Variants in ASAP3 observed in about 807,000 individuals in gnomAD.
ASAP3 encodes the protein arf-GAP with SH3 domain, ANK repeat and PH domain-containing protein 3.
A neutral mutation model predicts 118.2 loss-of-function variants in ASAP3; 85 were observed. The observed-to-expected ratio is 0.72, with a 90% CI of 0.60 to 0.86. The LOEUF is 0.86. Among genes scored for constraint, ASAP3 ranks in the 40% least tolerant of loss-of-function variants. The pLI is 0.00. For missense variants in ASAP3, 1,026 were observed against 1,175.0 expected (o/e 0.87, Z 1.85); for synonymous variants, 432 against 477.4 (o/e 0.90, Z 1.24).
intron 1 of ASAP3, among the ~76,000 whole-genome samples, chr1:23,462,659 G>A (rs892528286): frequency 1.3e-5 from 2 of 151,864 alleles, no homozygotes; most frequent in South Asian, 2.1e-4. Flanking sequence ...CTAGGGAGGC[G>A]GAGGCAGGAG....
At chr1:23,479,047 AC>A (rs1642223304) in intron 1 of ASAP3, among the ~76,000 whole-genome samples, 1 of 151,882 alleles carries the variant, frequency 6.6e-6, no homozygotes, top group South Asian at 2.1e-4. Context: ...TCCCTCCATG[AC>A]CTCTGCTGAT....
chr1:23,437,358 TG>T lies in ASAP3; in HGVS notation c.1152-39del. 1 of 1,609,112 alleles carries T rather than the reference TG, an allele frequency of 6.2e-7. No individual in the cohort carries two copies. The highest frequency in any genetic ancestry group is 1.1e-5 in the South Asian group (1 of 90,602). ...AACGGGGTGGGATGGGGATGTCAAG[TG>T]GGAAGAGATAGGGCCGCCGGCCCCC... On this transcript the variant is annotated intron_variant, in intron 13 of 24. Transcript: ENST00000336689. The surrounding 1 kb of genome is among the most constrained non-coding windows in gnomAD (Gnocchi z 6.1).
chr1:23,473,947 G>A (rs1003912007), intron 1 of ASAP3, among the ~76,000 whole-genome samples: 2 of 148,538 alleles, frequency 1.3e-5, no homozygotes, highest in East Asian at 4.0e-4. Context: ...AGGATGGTGT[G>A]GAGGCGAAAA....
chr1:23,450,664 TCTG>T (rs1182726036), intron 5 of ASAP3, among the ~76,000 whole-genome samples: 1 of 152,026 alleles, frequency 6.6e-6, no homozygotes, highest in African/African-American at 2.4e-5. Flanking sequence ...ACCCTAAGCC[TCTG>T]CTAAGGATGA....
At chr1:23,435,349 G>C (rs552826181) in intron 17 of ASAP3, among the ~76,000 whole-genome samples, 25 of 152,166 alleles carry the variant, frequency 1.6e-4, no homozygotes, top group Admixed American at 3.9e-4. Flanking sequence ...TTTTGATGTC[G>C]AATCAGTCAG....
chr1:23,436,830 C>A lies in ASAP3; in HGVS notation c.1476+81G>T. The A allele has an allele frequency of 6.4e-7, 1 of 1,563,348 alleles. No homozygotes were observed. The highest frequency in any genetic ancestry group is 8.7e-7 in the Non-Finnish European group (1 of 1,154,230). On this transcript the variant is annotated intron_variant, in intron 15 of 24. Transcript: ENST00000336689. This position sits in a 1 kb window ranked among gnomAD's most constrained non-coding sequence, Gnocchi z 4.2. ...GCCCACCTCGGCCAGGTCCCACCCA[C>A]AACCTGCAAGCCCCGCCCCCGGATG... is the stretch of plus-strand genomic sequence containing the variant.
chr1:23,464,772 C>G (rs1185131608), intron 1 of ASAP3, among the ~76,000 whole-genome samples: 1 of 150,382 alleles, frequency 6.6e-6, no homozygotes, highest in East Asian at 1.9e-4. Flanking sequence ...CAACCAGCAG[C>G]AGGCATCATC....
At chr1:23,449,612 C>G (rs912829916) in intron 5 of ASAP3, among the ~76,000 whole-genome samples, 3 of 152,170 alleles carry the variant, frequency 2.0e-5, no homozygotes, top group Admixed American at 1.3e-4. Flanking sequence ...AAGGAGTGTA[C>G]AGTCACCCGT....
intron 1 of ASAP3, among the ~76,000 whole-genome samples, chr1:23,477,939 G>A (rs1001798762): frequency 9.2e-5 from 14 of 152,166 alleles, no homozygotes; most frequent in Non-Finnish European, 1.8e-4. Context: ...GGTCCACAGG[G>A]CAGGGACTGC....
chr1:23,443,405 C>T (rs958020624), intron 5 of ASAP3, among the ~76,000 whole-genome samples: 2 of 152,148 alleles, frequency 1.3e-5, no homozygotes, highest in Non-Finnish European at 2.9e-5. Flanking sequence ...TGTCTGTCCA[C>T]ATGTACCCAT....
chr1:23,442,244 T>A lies in ASAP3; in HGVS notation c.613A>T (p.Met205Leu). ...EYLLKAGESQMKQGPDFLQSL... is the reference protein window; with the variant it reads ...EYLLKAGESQLKQGPDFLQSL... ...TGAAGGAAGTCAGGACCTTGCTTCATCTGGCTCTCCCCGGCTTTGAGCAGA... is the reference window on the plus strand; with the variant it reads ...TGAAGGAAGTCAGGACCTTGCTTCAACTGGCTCTCCCCGGCTTTGAGCAGA... Residue 205 changes from methionine (M) to leucine (L), a missense_variant, in exon 7 of 25, where the codon ATG becomes TTG. By Grantham distance (15) the Met-to-Leu change is conservative (BLOSUM62 2). Transcript: ENST00000336689. 1 of 1,607,176 alleles carries A rather than the reference T, an allele frequency of 6.2e-7. No individual in the cohort carries two copies. The highest frequency in any genetic ancestry group is 8.5e-7 in the Non-Finnish European group (1 of 1,177,410).
chr1:23,465,398 G>T (rs1641732516), intron 1 of ASAP3, among the ~76,000 whole-genome samples: 1 of 152,206 alleles, frequency 6.6e-6, no homozygotes, highest in African/African-American at 2.4e-5. Flanking sequence ...TTTGAGGAAG[G>T]CATTGCCATT....
At chr1:23,453,987 A>T (rs1407765265) in intron 3 of ASAP3, among the ~76,000 whole-genome samples, 1 of 152,190 alleles carries the variant, frequency 6.6e-6, no homozygotes, top group East Asian at 1.9e-4. Context: ...GAAGAGGTGA[A>T]GACAAAGAAG....
chr1:23,444,409 C>T (rs1369969431), intron 5 of ASAP3, among the ~76,000 whole-genome samples: 2 of 152,232 alleles, frequency 1.3e-5, no homozygotes, highest in Non-Finnish European at 2.9e-5. Flanking sequence ...AAAGGGCTTG[C>T]TTAATAGTTC....
intron 1 of ASAP3, among the ~76,000 whole-genome samples, chr1:23,459,722 T>C (rs1239605783): frequency 1.3e-5 from 2 of 152,212 alleles, no homozygotes; most frequent in African/African-American, 4.8e-5. Context: ...TTCCAGATGC[T>C]ACCTCTTCAG....
At chr1:23,458,073 G>A (rs941169994) in intron 1 of ASAP3, among the ~76,000 whole-genome samples, 3 of 152,168 alleles carry the variant, frequency 2.0e-5, no homozygotes, top group Non-Finnish European at 2.9e-5. Context: ...TCTCCTCCTC[G>A]GGTGTGAACT....
intron 1 of ASAP3, among the ~76,000 whole-genome samples, chr1:23,476,045 C>A (rs1274977731): frequency 6.6e-6 from 1 of 151,994 alleles, no homozygotes; most frequent in African/African-American, 2.4e-5. Flanking sequence ...TATATGGCAC[C>A]CTTCCATCAG....
chr1:23,431,872 A>C lies in ASAP3; in HGVS notation c.2370T>G (p.Pro790=). 6.2e-7 allele frequency: 1 copy of C among 1,604,536 alleles called. No homozygotes were observed. The highest frequency in any genetic ancestry group is 8.5e-7 in the Non-Finnish European group (1 of 1,177,120). ...AGGAGGCTGGACTGCCCAGGCTCTC[A>C]GGGGTCTCAGGGGCCTCTGAACTCA... The part of the protein sequence containing the change: ...SSLSSEAPET[P]ESLGSPASSS... The change falls in exon 23 of 25, where the codon CCT becomes CCG. Residue 790 remains proline (P), a synonymous_variant. Transcript: ENST00000336689.
intron 10 of ASAP3, among the ~76,000 whole-genome samples, chr1:23,440,362 G>A (rs1301553850): frequency 2.0e-5 from 3 of 146,862 alleles, no homozygotes; most frequent in African/African-American, 7.5e-5. Context: ...TTAGCTGGGC[G>A]TAGTGGCGGG....
Sources: allele counts gnomAD v4.1 joint callset (sites outside exome capture counted in the v4.1 genomes callset), GRCh38; gene constraint gnomAD v4.1.1; non-coding constraint Gnocchi (gnomAD v3.1); transcripts MANE v1.5; gene names NCBI Gene and HGNC (gene_info 2026-07-23, HGNC 2026-07-21).